Variants in DNAJC6 observed in about 807,000 individuals in gnomAD.
DNAJC6 encodes auxilin.
DNAJC6 carries 34 observed loss-of-function variants against 110.0 expected under a neutral mutation model. That is an observed-to-expected ratio of 0.31 (90% CI 0.24 to 0.41). DNAJC6 has a LOEUF of 0.41. Among genes scored for constraint, DNAJC6 ranks in the 10% least tolerant of loss-of-function variants. The probability of loss-of-function intolerance (pLI) is 1.00; values close to 1 mark genes in which losing one functional copy is unlikely to be tolerated. For missense variants in DNAJC6, 1,031 were observed against 1,207.8 expected, an observed-to-expected ratio of 0.85 and a Z score of 2.17; for synonymous variants, 406 against 437.2, an observed-to-expected ratio of 0.93 and a Z score of 0.89.
At chr1:65,401,932 G>A in intron 15 of DNAJC6, 52 bp downstream of exon 15, 1 of 1,603,268 alleles carries the variant, frequency 6.2e-7, no homozygotes, top group Non-Finnish European at 8.5e-7. Context: ...TAGCTATAAA[G>A]CCTCAAATCT....
chr1:65,270,405 G>A (rs1201272062), intron 1 of DNAJC6, among the ~76,000 whole-genome samples: 1 of 152,046 alleles, frequency 6.6e-6, no homozygotes, highest in African/African-American at 2.4e-5. Context: ...GTTACTCAGA[G>A]TTTAAAAATG....
chr1:65,276,311 C>T (rs1208440808), intron 1 of DNAJC6, among the ~76,000 whole-genome samples: 1 of 152,202 alleles, frequency 6.6e-6, no homozygotes, highest in Non-Finnish European at 1.5e-5. Flanking sequence ...GTCTTTTTAT[C>T]TCTTCTGTTT....
rs1557551113 is a variant in DNAJC6 at position 65,379,432 on chromosome 1, G to A, written c.574G>A (p.Ala192Thr). 1 of 1,614,092 alleles carries A rather than the reference G, an allele frequency of 6.2e-7. No homozygotes were observed. Among genetic ancestry groups the A allele is most frequent in the Non-Finnish European group, 8.5e-7 (1 of 1,179,964 alleles). ...VSECSWPIRQ[A>T]PSLHNLFAVC... ...AGAATGCAGTTGGCCCATTAGGCAG[G>A]CTCCCAGTCTGCACAACCTTTTTGC... Residue 192 changes from alanine to threonine, a missense_variant, in exon 5 of 19, where the codon GCT (alanine) becomes ACT (threonine). Ala to Thr is a moderately conservative substitution (Grantham distance 58). Transcript: ENST00000371069.
intron 1 of DNAJC6, among the ~76,000 whole-genome samples, chr1:65,342,970 T>C (rs1263818305): frequency 6.6e-6 from 1 of 152,188 alleles, no homozygotes; most frequent in Non-Finnish European, 1.5e-5. Flanking sequence ...GTTGCAGCTT[T>C]CAACAAAAGC....
chr1:65,320,493 G>A (rs571542761), intron 1 of DNAJC6, among the ~76,000 whole-genome samples: 5 of 152,252 alleles, frequency 3.3e-5, no homozygotes, highest in South Asian at 4.2e-4. Context: ...GTGACCTTGG[G>A]CAAGTCATTC....
At chr1:65,351,934 T>C (rs183577920) in intron 1 of DNAJC6, among the ~76,000 whole-genome samples, 1 of 152,138 alleles carries the variant, frequency 6.6e-6, no homozygotes, top group Non-Finnish European at 1.5e-5. Flanking sequence ...CCGGCTAATT[T>C]TTTGTGTTTT....
chr1:65,397,878 A>T (rs12753976), intron 13 of DNAJC6, among the ~76,000 whole-genome samples: 3,177 of 152,252 alleles, frequency 0.021, 60 homozygotes, highest in South Asian at 0.11. Flanking sequence ...AGGAAATAAA[A>T]GGTTTGGAAT....
Position 65,264,959 on chromosome 1 carries a change from C to T in DNAJC6, c.-131+27C>T, listed in dbSNP as rs1040032530. 6 of 1,607,622 alleles carry T rather than the reference C, an allele frequency of 3.7e-6. No individual in the cohort carries two copies. In the African/African-American group the frequency reaches 6.7e-5, roughly 18 times the overall value. ...TAAGGGGCGGACTGCAGAAAGATGGCTAAGAGAGGGCTAAAGGCTAAAAGA... is the reference window on the plus strand; with the variant it reads ...TAAGGGGCGGACTGCAGAAAGATGGTTAAGAGAGGGCTAAAGGCTAAAAGA... On this transcript the variant is annotated intron_variant, in intron 1 of 19. Transcript: ENST00000263441.
intron 1 of DNAJC6, among the ~76,000 whole-genome samples, chr1:65,326,453 G>A (rs938256018): frequency 1.3e-5 from 2 of 152,188 alleles, no homozygotes; most frequent in African/African-American, 4.8e-5. Flanking sequence ...TATTTTCACA[G>A]GAAGAAATAG....
At chr1:65,309,519 C>T, upstream of DNAJC6, 1 of 1,167,924 alleles carries the variant, frequency 8.6e-7, no homozygotes, top group Non-Finnish European at 1.1e-6. Context: ...GTCTCCTTCC[C>T]TCCCTCCCTC....
At chr1:65,360,432 G>T (rs1461836650) in intron 1 of DNAJC6, among the ~76,000 whole-genome samples, 2 of 152,138 alleles carry the variant, frequency 1.3e-5, no homozygotes, top group Non-Finnish European at 2.9e-5. Flanking sequence ...TTAATAGGCT[G>T]GTGCCTTGTA....
At position 65,309,938 on chromosome 1, in the gene DNAJC6, G is replaced by A. The variant is rs1645082358; in HGVS notation, c.193G>A (p.Gly65Ser). The change falls in exon 1 of 19, where the codon GGT becomes AGT. Residue 65 changes from glycine to serine, a missense_variant and splice_region_variant. Coordinates refer to ENST00000371069, the MANE Select transcript of DNAJC6 (RefSeq NM_001256864.2). ...CCGCGCCAGCACCATGGACAGCTCA[G>A]GTAGCGCTGCCCGAGGGGAGTGCAG... ...PDRASTMDSS[G>S]ASSPDMEPSY... 6.8e-7 allele frequency: 1 copy of A among 1,461,768 alleles called. No individual in the cohort carries two copies. Among genetic ancestry groups the A allele is most frequent in the African/African-American group, 1.5e-5 (1 of 67,478 alleles). 90.5% of individuals were successfully genotyped at this position (1,461,768 alleles called of 1,614,324 possible).
At chr1:65,358,802 A>G (rs917246330) in intron 1 of DNAJC6, among the ~76,000 whole-genome samples, 1 of 152,214 alleles carries the variant, frequency 6.6e-6, no homozygotes, top group Admixed American at 6.5e-5. Flanking sequence ...GCCTCTTGCC[A>G]TGGTAAACAC....
intron 16 of DNAJC6, among the ~76,000 whole-genome samples, chr1:65,407,943 G>A (rs11208647): frequency 0.61 from 92,311 of 152,142 alleles, 30,300 homozygotes; most frequent in African/African-American, 0.86. Context: ...AGATAGCCAG[G>A]CACTGTTCTA....
rs753014534 is a variant in DNAJC6 at position 65,385,941 on chromosome 1, T to A, written c.995+35T>A. ...GATACTTTACTTCTTCCTATGTACT[T>A]CTCAATTCTCATGTAAATGAGCAGG... On this transcript the variant is annotated intron_variant, in intron 7 of 18. Coordinates refer to ENST00000371069, the MANE Select transcript of DNAJC6 (RefSeq NM_001256864.2). 5.3e-6 allele frequency: 8 copies of A among 1,502,936 alleles called. No individual in the cohort carries two copies. The South Asian group carries it at 9.3e-5, about 18-fold the overall frequency. 93.1% of individuals were successfully genotyped at this position (1,502,936 alleles called of 1,614,324 possible).
At chr1:65,341,294 A>G (rs1289895941) in intron 1 of DNAJC6, among the ~76,000 whole-genome samples, 2 of 152,124 alleles carry the variant, frequency 1.3e-5, no homozygotes, top group Admixed American at 6.5e-5. Context: ...GTATCTGTCC[A>G]CCTATTCTTA....
chr1:65,325,037 T>C (rs1645229959), intron 1 of DNAJC6, among the ~76,000 whole-genome samples: 1 of 152,200 alleles, frequency 6.6e-6, no homozygotes, highest in Non-Finnish European at 1.5e-5. Context: ...TAAATTGAAC[T>C]ATACCCTACA....
At chr1:65,372,477 C>T (rs1391503512) in intron 4 of DNAJC6, among the ~76,000 whole-genome samples, 9 of 152,084 alleles carry the variant, frequency 5.9e-5, no homozygotes, top group African/African-American at 1.4e-4. Context: ...GTTATGGTCT[C>T]TCTTCTCATG....
intron 15 of DNAJC6, among the ~76,000 whole-genome samples, 161 bp downstream of exon 15, chr1:65,402,041 A>G (rs1646034991): frequency 1.3e-5 from 2 of 152,240 alleles, no homozygotes; most frequent in Non-Finnish European, 2.9e-5. Context: ...GCTTTTTAAA[A>G]AAGGAAAGCG....
Sources: allele counts gnomAD v4.1 joint callset (sites outside exome capture counted in the v4.1 genomes callset), GRCh38; gene constraint gnomAD v4.1.1; transcripts MANE v1.5; gene names NCBI Gene and HGNC (gene_info 2026-07-23, HGNC 2026-07-21).